The following TNC variants were observed in gnomAD, a reference collection of about 807,000 sequenced individuals.
TNC encodes the protein tenascin.
TNC carries 109 observed loss-of-function variants against 202.4 expected under a neutral mutation model. The observed-to-expected ratio is 0.54, with a 90% CI of 0.46 to 0.63. The LOEUF (loss-of-function observed/expected upper bound fraction) is 0.63. TNC is among the 30% of genes least tolerant of loss of function. The probability of loss-of-function intolerance (pLI) is 0.00; values close to 1 mark genes in which losing one functional copy is unlikely to be tolerated. For missense variants in TNC, 2,756 were observed against 2,833.3 expected, an observed-to-expected ratio of 0.97 and a Z score of 0.62; for synonymous variants, 1,007 against 1,089.7, an observed-to-expected ratio of 0.92 and a Z score of 1.50.
chr9:115,035,456 G>A (rs1830254466), intron 21 of TNC, 122 bp from the exon 22 acceptor site: 1 of 1,025,584 alleles, frequency 9.8e-7, no homozygotes, highest in African/African-American at 1.6e-5. Flanking sequence ...GTGACCTTTG[G>A]CAAGAACTTC....
intron 15 of TNC, among the ~76,000 whole-genome samples, chr9:115,052,187 C>T (rs1453129997): frequency 6.6e-6 from 1 of 151,454 alleles, no homozygotes; most frequent in African/African-American, 2.4e-5. Context: ...AGACATTGTA[C>T]AGAGTGAAAT....
intron 1 of TNC, among the ~76,000 whole-genome samples, chr9:115,096,083 A>C (rs1160323188): frequency 6.6e-6 from 1 of 152,142 alleles, no homozygotes; most frequent in East Asian, 1.9e-4. Flanking sequence ...TTCTTTATTA[A>C]AATTAATTTT....
chr9:115,103,383 T>A lies in TNC; in HGVS notation c.-136-12229A>T, dbSNP rs541589416. On this transcript the variant is annotated intron_variant, in intron 1 of 27. Coordinates refer to ENST00000350763, the MANE Select transcript of TNC (RefSeq NM_002160.4). ...TATTTATCATTTTGTTGTACTGTTGTTAAATATAGGTCTCCCTTTCTCATT... is the reference window on the plus strand; with the variant it reads ...TATTTATCATTTTGTTGTACTGTTGATAAATATAGGTCTCCCTTTCTCATT... Among the ~76,000 whole-genome samples, 41 of 152,358 alleles carry A rather than the reference T, an allele frequency of 2.7e-4. No individual in the cohort carries two copies. In the East Asian group the frequency reaches 3.3e-3, roughly 12 times the overall value.
chr9:115,037,933 A>G lies in TNC; in HGVS notation c.5512+328T>C, dbSNP rs145185947. 1.1e-3 allele frequency among the ~76,000 whole-genome samples: 163 copies of G among 152,350 alleles called. 1 individual carries two copies. Among genetic ancestry groups the G allele is most frequent in the African/African-American group, 3.9e-3 (162 of 41,578 alleles). ...CCTGAAGCGGTCTGGTTAAGATTTTAGATTCTGGTTTTCTTCTTTGTAAAA... is the reference window on the plus strand; with the variant it reads ...CCTGAAGCGGTCTGGTTAAGATTTTGGATTCTGGTTTTCTTCTTTGTAAAA... On this transcript the variant is annotated intron_variant, in intron 20 of 27. Transcript: ENST00000350763.
intron 7 of TNC, 114 bp downstream of exon 7, chr9:115,077,829 C>T: frequency 1.9e-6 from 2 of 1,063,076 alleles, no homozygotes; most frequent in Non-Finnish European, 2.7e-6. Flanking sequence ...GTAGAAATAC[C>T]CCTTTCATTT....
At chr9:115,069,505 G>A (rs531322479) in intron 10 of TNC, among the ~76,000 whole-genome samples, 1 of 151,514 alleles carries the variant, frequency 6.6e-6, no homozygotes, top group African/African-American at 2.4e-5. Flanking sequence ...TGGGAGAGGA[G>A]GAGAGGGAAT....
chr9:115,044,232 G>T (rs111344256), intron 17 of TNC, among the ~76,000 whole-genome samples: 32 of 151,074 alleles, frequency 2.1e-4, no homozygotes, highest in African/African-American at 6.6e-4. Flanking sequence ...ACAATGGTAT[G>T]AGGGAGGAAG....
chr9:115,116,931 C>T (rs1004066198), intron 1 of TNC, among the ~76,000 whole-genome samples: 3 of 152,172 alleles, frequency 2.0e-5, no homozygotes, highest in Admixed American at 6.5e-5. Context: ...CCAAGACTGG[C>T]TCAATGCCTC....
chr9:115,082,074 G>T, intron 5 of TNC, 146 bp from the exon 6 acceptor site: 1 of 715,050 alleles, frequency 1.4e-6, no homozygotes, highest in Non-Finnish European at 2.2e-6. Context: ...CAGTATGTAA[G>T]CTACTGAGGA....
In TNC at chr9:115,078,194, T is replaced by G. The variant is rs1588142255; in HGVS notation, c.2423A>C (p.Gln808Pro). 6.2e-7 allele frequency: 1 copy of G among 1,606,970 alleles called. No homozygotes were observed. The highest frequency in any genetic ancestry group is 8.5e-7 in the Non-Finnish European group (1 of 1,174,194). ...VTTTRLDAPS[Q>P]IEVKDVTDTT... ...GTCTGTGACATCTTTCACCTCGATC[T>G]GGCTGGGGGCATCCAAGCCTATGAT... Residue 808 changes from glutamine to proline, a missense_variant, in exon 7 of 28, where the codon CAG (glutamine) becomes CCG (proline). Gln to Pro is a moderately conservative substitution (Grantham distance 76, BLOSUM62 -1). This residue lies in a region of TNC where 2,559 missense variants were observed against 2,546.0 expected (regional missense o/e 1.01). Transcript: ENST00000350763.
At chr9:115,064,990 G>A (rs1588105998) in intron 10 of TNC, 71 bp from the exon 11 acceptor site, 1 of 1,548,216 alleles carries the variant, frequency 6.5e-7, no homozygotes, top group East Asian at 2.2e-5. Context: ...ACCTGGGAAT[G>A]GCAAACCCAA....
intron 7 of TNC, 64 bp downstream of exon 7, chr9:115,077,879 G>C (rs1459681246): frequency 6.6e-7 from 1 of 1,524,602 alleles, no homozygotes; most frequent in Non-Finnish European, 9.0e-7. Flanking sequence ...CCCCAACATG[G>C]AGTGGGATGG....
At chr9:115,026,906 C>T (rs1288741359) in intron 25 of TNC, among the ~76,000 whole-genome samples, 1 of 151,758 alleles carries the variant, frequency 6.6e-6, no homozygotes, top group Non-Finnish European at 1.5e-5. Context: ...GTCAGGAGTT[C>T]GTTATCAGCC....
intron 22 of TNC, among the ~76,000 whole-genome samples, chr9:115,032,524 A>T (rs1475849038): frequency 6.6e-6 from 1 of 152,204 alleles, no homozygotes. Flanking sequence ...CCCTAAATAT[A>T]GCTCTTTATC....
chr9:115,096,202 T>C (rs1268548416), intron 1 of TNC, among the ~76,000 whole-genome samples: 14 of 152,098 alleles, frequency 9.2e-5, no homozygotes, highest in Non-Finnish European at 5.9e-5. Context: ...GAACATAAAA[T>C]CCACAATAAA....
In TNC at chr9:115,029,594, G is replaced by T. The variant is rs1411086868; in HGVS notation, c.6073-138C>A. On this transcript the variant is annotated intron_variant, in intron 24 of 27. Coordinates refer to ENST00000350763, the MANE Select transcript of TNC (RefSeq NM_002160.4). ...CATCCCTAATTTGCTATGTAACTTT[G>T]GGTGGTCACCTGCCCCTCCTTAAGT... 35 of 827,870 alleles carry T rather than the reference G, an allele frequency of 4.2e-5. No individual in the cohort carries two copies. In the Admixed American group the frequency reaches 7.4e-4, roughly 17 times the overall value. 51.3% of individuals were successfully genotyped at this position (827,870 alleles called of 1,614,324 possible).
intron 19 of TNC, among the ~76,000 whole-genome samples, chr9:115,038,848 G>A (rs1830527380): frequency 6.7e-6 from 1 of 150,292 alleles, no homozygotes; most frequent in African/African-American, 2.5e-5. Context: ...TTTTTTTTGA[G>A]ACAGACTGTC....
intron 1 of TNC, among the ~76,000 whole-genome samples, chr9:115,097,612 G>T (rs1193590139): frequency 3.9e-5 from 6 of 152,188 alleles, no homozygotes; most frequent in African/African-American, 1.4e-4. Flanking sequence ...ACTCCAGTAG[G>T]TGGGTTCAAA....
rs776236353 is a variant in TNC at position 115,077,958 on chromosome 9, C to T, written c.2659G>A (p.Glu887Lys). The change falls in exon 7 of 28, where the codon GAG becomes AAG. Residue 887 changes from glutamate to lysine, a missense_variant. Around this residue, in one of 2 missense-constraint regions of TNC, gnomAD observed 2,559 missense variants for 2,546.0 expected, o/e 1.01. Coordinates refer to ENST00000350763, the MANE Select transcript of TNC (RefSeq NM_002160.4). ...GGCCTTTTACCTGTTGTGAAGGTCTCTTTGGCTGGGTTGCTTGACATGTCA... is the reference window on the plus strand; with the variant it reads ...GGCCTTTTACCTGTTGTGAAGGTCTTTTTGGCTGGGTTGCTTGACATGTCA... ...RGDMSSNPAK[E>K]TFTTGLDAPR... is the part of the protein sequence containing the mutation. 2 of 1,614,126 alleles carry T rather than the reference C, an allele frequency of 1.2e-6. No homozygotes were observed. Among genetic ancestry groups the T allele is most frequent in the Non-Finnish European group, 1.7e-6 (2 of 1,179,998 alleles).
Sources: allele counts gnomAD v4.1 joint callset (sites outside exome capture counted in the v4.1 genomes callset), GRCh38; gene constraint gnomAD v4.1.1; regional missense constraint gnomAD v4.1.1; transcripts MANE v1.5; gene names NCBI Gene and HGNC (gene_info 2026-07-23, HGNC 2026-07-21).